The following TNRC6C variants were observed in gnomAD, a reference collection of about 807,000 sequenced individuals.
The protein encoded by TNRC6C is trinucleotide repeat containing adaptor 6C.
TNRC6C carries 20 observed loss-of-function variants against 153.7 expected under a neutral mutation model. The ratio of observed to expected loss-of-function variants is 0.13; its 90% CI spans 0.09 to 0.19. The LOEUF is 0.19. Among genes scored for constraint, TNRC6C ranks in the 10% least tolerant of loss-of-function variants. The probability of loss-of-function intolerance (pLI) is 1.00; values close to 1 mark genes in which losing one functional copy is unlikely to be tolerated. For missense variants in TNRC6C, 1,987 were observed against 2,172.0 expected (o/e 0.91, Z 1.69); for synonymous variants, 811 against 841.4 (o/e 0.96, Z 0.63).
At chr17:78,084,167 C>A (rs2073232500) in intron 11 of TNRC6C, among the ~76,000 whole-genome samples, 1 of 151,944 alleles carries the variant, frequency 6.6e-6, no homozygotes, top group Non-Finnish European at 1.5e-5. Flanking sequence ...GTCTGTAATC[C>A]CAGCTATTCG....
chr17:78,065,598 A>C (rs1196812418), intron 4 of TNRC6C, among the ~76,000 whole-genome samples: 1 of 152,200 alleles, frequency 6.6e-6, no homozygotes, highest in Non-Finnish European at 1.5e-5. Context: ...TAGATAAAAC[A>C]TGTCATCTCC....
chr17:78,107,405 G>A (rs972166286), exon 20 of TNRC6C: 13 of 152,120 alleles, frequency 8.5e-5, no homozygotes, highest in African/African-American at 2.7e-4. Context: ...AGTTGCTTTC[G>A]AAAGTACAAC....
At chr17:78,027,674 A>G (rs546131053) in intron 1 of TNRC6C, among the ~76,000 whole-genome samples, 1 of 152,284 alleles carries the variant, frequency 6.6e-6, no homozygotes, top group East Asian at 1.9e-4. Context: ...CTCTGACCCC[A>G]TTGATTGTGA....
intron 2 of TNRC6C, among the ~76,000 whole-genome samples, chr17:78,041,886 A>G (rs2072303454): frequency 6.6e-6 from 1 of 152,220 alleles, no homozygotes; most frequent in Non-Finnish European, 1.5e-5. Flanking sequence ...GAATGAACAC[A>G]TTTACTATTT....
At position 78,098,505 on chromosome 17, in the gene TNRC6C, G is replaced by A. The variant is rs766505057; in HGVS notation, c.4469G>A (p.Ser1490Asn). Residue 1490 changes from serine (S) to asparagine (N), a missense_variant, in exon 17 of 20, where the codon AGC becomes AAC. Transcript: ENST00000301624. Reference sequence around the variant, plus strand: ...AAGCCCTCCTCCACCTGGGGTGCCAGCCCCCTCGGCTGGACCAGCTCCTAC... The same window carrying A: ...AAGCCCTCCTCCACCTGGGGTGCCAACCCCCTCGGCTGGACCAGCTCCTAC... 11 of 1,613,438 alleles carry A rather than the reference G, an allele frequency of 6.8e-6. No homozygotes were observed. The East Asian group carries it at 2.5e-4, about 36-fold the overall frequency.
intron 16 of TNRC6C, chr17:78,097,755 G>A (rs1475155214): frequency 2.8e-5 from 44 of 1,548,750 alleles, no homozygotes; most frequent in South Asian, 6.0e-5. Context: ...GGTCCTCCCC[G>A]CCATCATCTC....
intron 3 of TNRC6C, among the ~76,000 whole-genome samples, chr17:78,052,623 C>A (rs1016648711): frequency 1.3e-5 from 2 of 152,080 alleles, no homozygotes; most frequent in African/African-American, 4.8e-5. Context: ...CATTTGGGCA[C>A]CTTTTTGGTT....
intron 1 of TNRC6C, among the ~76,000 whole-genome samples, chr17:78,027,535 T>C (rs971789867): frequency 3.3e-5 from 5 of 152,120 alleles, no homozygotes; most frequent in Non-Finnish European, 7.4e-5. Flanking sequence ...AAGGAATTGA[T>C]CCAAGACCCA....
chr17:78,013,324 A>C (rs1008649329), intron 1 of TNRC6C, among the ~76,000 whole-genome samples: 8 of 152,150 alleles, frequency 5.3e-5, no homozygotes, highest in African/African-American at 1.9e-4. Flanking sequence ...AATTAAACAG[A>C]GGAGGAGAGA....
At chr17:78,043,429 A>T (rs564897344) in intron 2 of TNRC6C, among the ~76,000 whole-genome samples, 2 of 152,184 alleles carry the variant, frequency 1.3e-5, no homozygotes, top group Admixed American at 1.3e-4. Flanking sequence ...ATTTTTTATA[A>T]TTTTTTTTAT....
At chr17:78,099,212 A>G (rs1457513644) in intron 17 of TNRC6C, among the ~76,000 whole-genome samples, 1 of 152,186 alleles carries the variant, frequency 6.6e-6, no homozygotes, top group Admixed American at 6.5e-5. Context: ...GGAGGCTGAG[A>G]CAGGAGGATG....
upstream of TNRC6C, among the ~76,000 whole-genome samples, chr17:78,003,004 A>G (rs1400708111): frequency 6.6e-6 from 1 of 152,246 alleles, no homozygotes; most frequent in Non-Finnish European, 1.5e-5. Flanking sequence ...GTAAATAGTG[A>G]TAAGAATAGG....
At chr17:78,069,541 G>A (rs113319332) in intron 5 of TNRC6C, among the ~76,000 whole-genome samples, 1 of 152,044 alleles carries the variant, frequency 6.6e-6, no homozygotes, top group African/African-American at 2.4e-5. Context: ...ATGCCACTCT[G>A]CCCAACTAAT....
chr17:77,991,973 A>T (rs1229501191), intron 1 of TNRC6C, among the ~76,000 whole-genome samples: 1 of 152,146 alleles, frequency 6.6e-6, no homozygotes, highest in Non-Finnish European at 1.5e-5. Flanking sequence ...TCATCCTCTG[A>T]TCCTCTCCTT....
intron 17 of TNRC6C, among the ~76,000 whole-genome samples, chr17:78,098,914 G>C (rs922455278): frequency 6.6e-6 from 1 of 152,120 alleles, no homozygotes; most frequent in South Asian, 2.1e-4. Context: ...CTTCGCACAG[G>C]GATCTGGATT....
At chr17:78,093,675 C>T in exon 16 of TNRC6C, 1 of 1,613,968 alleles carries the variant, frequency 6.2e-7, no homozygotes, top group Non-Finnish European at 8.5e-7. Flanking sequence ...CTGAGAATGA[C>T]CCTGACGTCA....
intron 1 of TNRC6C, among the ~76,000 whole-genome samples, chr17:77,960,912 A>G (rs1037652400): frequency 1.3e-5 from 2 of 152,184 alleles, no homozygotes; most frequent in Non-Finnish European, 2.9e-5. Flanking sequence ...TTTTTTCTAC[A>G]GAAAGTTTTT....
chr17:78,086,809 G>A (rs748618723), intron 12 of TNRC6C, 44 bp from the exon 15 acceptor site: 2 of 1,600,760 alleles, frequency 1.2e-6, no homozygotes, highest in Admixed American at 3.4e-5. Context: ...AGCCATGAGT[G>A]TCCCTTCCCA....
At chr17:78,030,286 A>AT (rs1210588253) in intron 1 of TNRC6C, among the ~76,000 whole-genome samples, 1 of 151,872 alleles carries the variant, frequency 6.6e-6, no homozygotes, top group African/African-American at 2.4e-5. Context: ...AATAGCTGGG[A>AT]TTACCCGTAC....
Sources: gnomAD v4.1 joint callset for allele counts (sites outside exome capture counted in the v4.1 genomes callset) on GRCh38, gnomAD v4.1.1 for gene constraint, MANE v1.5 for transcripts, NCBI Gene and HGNC (gene_info 2026-07-23, HGNC 2026-07-21) for gene names.